GRHL3: variants seen among roughly 807,000 people sequenced by gnomAD.
GRHL3 encodes grainyhead like transcription factor 3.
GRHL3 carries 20 observed loss-of-function variants against 70.3 expected under a neutral mutation model. That is an observed-to-expected ratio of 0.28 (90% CI 0.20 to 0.41). The LOEUF is 0.41. Among genes scored for constraint, GRHL3 ranks in the 10% least tolerant of loss-of-function variants. The probability of loss-of-function intolerance (pLI) is 1.00; values close to 1 mark genes in which losing one functional copy is unlikely to be tolerated. For synonymous variants in GRHL3, 299 were observed against 299.9 expected (o/e 1.00, Z 0.03); for missense variants, 637 against 762.3 (o/e 0.84, Z 1.94).
downstream of GRHL3, among the ~76,000 whole-genome samples, chr1:24,359,109 T>C (rs934921611): frequency 6.6e-6 from 1 of 152,196 alleles, no homozygotes; most frequent in African/African-American, 2.4e-5. This position sits in a 1 kb window ranked among gnomAD's most constrained non-coding sequence, Gnocchi z 5.3. Context: ...GCACAGCCTC[T>C]CTGTTCCTAT....
downstream of GRHL3, chr1:24,356,971 G>T (rs1298280250): frequency 6.6e-6 from 1 of 151,612 alleles, no homozygotes; most frequent in Admixed American, 6.6e-5. Context: ...CTAGCCTAAG[G>T]CACAAAAATT....
chr1:24,326,669 A>C (rs1639413257), intron 1 of GRHL3, among the ~76,000 whole-genome samples: 1 of 152,186 alleles, frequency 6.6e-6, no homozygotes, highest in South Asian at 2.1e-4. Context: ...GTTAAAAATG[A>C]GGGATGGATG....
At chr1:24,361,622 G>A (rs1402314431) in intron 15 of GRHL3, among the ~76,000 whole-genome samples, 2 of 152,066 alleles carry the variant, frequency 1.3e-5, no homozygotes, top group Admixed American at 6.5e-5. Context: ...ATATCATCCT[G>A]GGGAGGCAGG....
intron 3 of GRHL3, among the ~76,000 whole-genome samples, chr1:24,336,134 C>T (rs1441559699): frequency 6.6e-6 from 1 of 152,036 alleles, no homozygotes; most frequent in Non-Finnish European, 1.5e-5. Context: ...AGGGTTGACT[C>T]AATACAGTTG....
chr1:24,344,202 G>C (rs1195343551), intron 11 of GRHL3, among the ~76,000 whole-genome samples: 1 of 152,130 alleles, frequency 6.6e-6, no homozygotes, highest in Admixed American at 6.5e-5. Context: ...TTTGAACCCT[G>C]ACTCTGCCTC....
chr1:24,332,806 G>C (rs1639659588), intron 2 of GRHL3, among the ~76,000 whole-genome samples: 1 of 152,226 alleles, frequency 6.6e-6, no homozygotes, highest in South Asian at 2.1e-4. Context: ...TTTGAACTGA[G>C]AGGCCAAGTG....
exon 16 of GRHL3, chr1:24,364,197 C>A: frequency 6.6e-7 from 1 of 1,515,902 alleles, no homozygotes; most frequent in Non-Finnish European, 8.8e-7. Flanking sequence ...AAACTTCTCT[C>A]CTCCACCCAC....
chr1:24,342,764 G>A lies in GRHL3; in HGVS notation c.1277G>A (p.Ser426Asn). The A allele has an allele frequency of 6.2e-7, 1 of 1,614,204 alleles. No homozygotes were observed. The highest frequency in any genetic ancestry group is 8.5e-7 in the Non-Finnish European group (1 of 1,180,010). Reference sequence around the variant, plus strand: ...AGGAAGGTCAAGTGCCCTGACTCCAGCAACAGTGGTCAGTGGGGATCCAGG... The same window carrying A: ...AGGAAGGTCAAGTGCCCTGACTCCAACAACAGTGGTCAGTGGGGATCCAGG... Reference protein sequence around the residue: ...FRRKVKCPDSSNSGVKGCLLS... With the variant: ...FRRKVKCPDSNNSGVKGCLLS... Residue 426 changes from serine (S) to asparagine (N), a missense_variant, in exon 10 of 16, where the codon AGC becomes AAC. Physicochemically the swap from Ser to Asn is conservative, Grantham distance 46 (BLOSUM62 1). Transcript: ENST00000361548. This position sits in a 1 kb window ranked among gnomAD's most constrained non-coding sequence, Gnocchi z 4.8.
At chr1:24,349,932 A>T (rs1201778679) in intron 14 of GRHL3, 126 bp from the exon 15 acceptor site, 1 of 645,168 alleles carries the variant, frequency 1.5e-6, no homozygotes, top group East Asian at 2.8e-5. Flanking sequence ...TTTCTTCTTC[A>T]TATTTGCCCA....
downstream of GRHL3, among the ~76,000 whole-genome samples, chr1:24,356,255 T>C (rs527573187): frequency 6.6e-6 from 1 of 150,582 alleles, no homozygotes; most frequent in African/African-American, 2.4e-5. Context: ...TTTTTTTTGT[T>C]TTTTTGAGAC....
chr1:24,324,924 GA>G (rs1196968407), intron 1 of GRHL3, among the ~76,000 whole-genome samples: 1 of 152,078 alleles, frequency 6.6e-6, no homozygotes, highest in Non-Finnish European at 1.5e-5. Context: ...CCCATGTGAC[GA>G]GGCACATTTC....
In GRHL3 at chr1:24,321,224, T is replaced by G. The variant is rs549364799; in HGVS notation, c.17+1656T>G. Reference sequence around the variant, plus strand: ...TGAACAGAAAGGTTTCTTGCTTTTCTCCTCCCTAATGGTTTGGATTTGAAG... The same window carrying G: ...TGAACAGAAAGGTTTCTTGCTTTTCGCCTCCCTAATGGTTTGGATTTGAAG... On this transcript the variant is annotated intron_variant, in intron 1 of 15. Transcript: ENST00000361548. The surrounding 1 kb of genome is among the most constrained non-coding windows in gnomAD (Gnocchi z 4.0). Among the ~76,000 whole-genome samples, 1 of 152,320 alleles carries G rather than the reference T, an allele frequency of 6.6e-6. No individual in the cohort carries two copies. The highest frequency in any genetic ancestry group is 2.1e-4 in the South Asian group (1 of 4,822).
At chr1:24,320,159 A>C (rs925012310) in intron 1 of GRHL3, among the ~76,000 whole-genome samples, 1 of 152,236 alleles carries the variant, frequency 6.6e-6, no homozygotes, top group Non-Finnish European at 1.5e-5. Context: ...CATCTGGAAA[A>C]TGGGTACAAG....
At chr1:24,333,037 G>A (rs1639667728) in intron 2 of GRHL3, among the ~76,000 whole-genome samples, 1 of 152,230 alleles carries the variant, frequency 6.6e-6, no homozygotes, top group Non-Finnish European at 1.5e-5. Flanking sequence ...GGGATTTATA[G>A]GTTGAGGATC....
Position 24,322,985 on chromosome 1 carries a change from G to A in GRHL3, c.17+3417G>A. 1.8e-6 allele frequency: 2 copies of A among 1,100,716 alleles called. No homozygotes were observed. Among genetic ancestry groups the A allele is most frequent in the Non-Finnish European group, 2.7e-6 (2 of 744,726 alleles). The allele number at this position is 1,100,716 out of a possible 1,614,324, so 68.2% of individuals were successfully genotyped here. Reference sequence around the variant, plus strand: ...CTGGGATCTTAACCGGGTCTTAGCCGAGCAGCCATAGGCCACCCCGCTTCC... The same window carrying A: ...CTGGGATCTTAACCGGGTCTTAGCCAAGCAGCCATAGGCCACCCCGCTTCC... On this transcript the variant is annotated intron_variant, in intron 1 of 15. Coordinates refer to ENST00000361548, the MANE Select transcript of GRHL3 (RefSeq NM_198173.3). The surrounding 1 kb of genome is among the most constrained non-coding windows in gnomAD (Gnocchi z 4.4).
Position 24,354,422 on chromosome 1 carries a change from C to A in GRHL3, c.1743C>A (p.His581Gln), listed in dbSNP as rs759722511. Reference sequence around the variant, plus strand: ...ACATCATTCAGCATTACAGCAACCACGTCGCCTTCCTGCTGGACATGGGGG... The same window carrying A: ...ACATCATTCAGCATTACAGCAACCAAGTCGCCTTCCTGCTGGACATGGGGG... ...DNNIIQHYSNHVAFLLDMGEL... is the reference protein window; with the variant it reads ...DNNIIQHYSNQVAFLLDMGEL... Residue 581 changes from histidine to glutamine, a missense_variant, in exon 16 of 16, where the codon CAC becomes CAA. By Grantham distance (24) the His-to-Gln change is conservative. Coordinates refer to ENST00000361548, the MANE Select transcript of GRHL3 (RefSeq NM_198173.3). 5 of 1,613,930 alleles carry A rather than the reference C, an allele frequency of 3.1e-6. No homozygotes were observed. In the Admixed American group the frequency reaches 8.3e-5, roughly 27 times the overall value.
At chr1:24,339,862 C>A in intron 8 of GRHL3, 100 bp downstream of exon 8, 2 of 689,550 alleles carry the variant, frequency 2.9e-6, no homozygotes, top group Admixed American at 2.4e-5. Context: ...TCATTTGCTC[C>A]GACGAGGGCA....
Position 24,319,543 on chromosome 1 carries a change from A to G in GRHL3, c.-9A>G. The G allele has an allele frequency of 6.2e-7, 1 of 1,613,672 alleles. No individual in the cohort carries two copies. Among genetic ancestry groups the G allele is most frequent in the Non-Finnish European group, 8.5e-7 (1 of 1,179,644 alleles). On this transcript the variant is annotated 5_prime_UTR_variant, in exon 1 of 16. Coordinates refer to ENST00000361548, the MANE Select transcript of GRHL3 (RefSeq NM_198173.3). ...TCAGTGCTGATCGTCGGAGCTTGGG[A>G]GCAGGAAGATGTCGAATGAACTTGA...
downstream of GRHL3, chr1:24,358,333 G>C: frequency 1.4e-6 from 1 of 690,532 alleles, no homozygotes; most frequent in South Asian, 1.5e-5. Flanking sequence ...AGTCTGTGGG[G>C]CTGGGGTGAA....
Sources: allele counts gnomAD v4.1 joint callset (sites outside exome capture counted in the v4.1 genomes callset), GRCh38; gene constraint gnomAD v4.1.1; non-coding constraint Gnocchi (gnomAD v3.1); transcripts MANE v1.5; gene names NCBI Gene and HGNC (gene_info 2026-07-23, HGNC 2026-07-21).